LGSN: variants seen among roughly 807,000 people sequenced by gnomAD.
LGSN encodes the protein lengsin, lens protein with glutamine synthetase domain.
LGSN carries 21 observed loss-of-function variants against 19.5 expected under a neutral mutation model. The observed-to-expected ratio is 1.07, with a 90% confidence interval of 0.76 to 1.55. The LOEUF (loss-of-function observed/expected upper bound fraction) is 1.55, where lower values mean the gene tolerates loss of function less well. Among genes scored for constraint, LGSN ranks in the 40% most tolerant of loss-of-function variants. The pLI, the probability that LGSN is intolerant of heterozygous loss-of-function variation, is 0.00. For synonymous variants in LGSN, 257 were observed against 215.6 expected, an observed-to-expected ratio of 1.19 and a Z score of -1.68; for missense variants, 673 against 608.5, an observed-to-expected ratio of 1.11 and a Z score of -1.12.
At chr6:63,359,189 G>A in the LGSN span, among the ~76,000 whole-genome samples, 1 of 152,128 alleles carries the variant, frequency 6.6e-6, no homozygotes, top group Middle Eastern at 3.2e-3. Flanking sequence ...AAGCCCACTT[G>A]ATCATGGTGG....
At chr6:63,437,200 CAGAA>C in the LGSN span, among the ~76,000 whole-genome samples, 2 of 138,630 alleles carry the variant, frequency 1.4e-5, no homozygotes, top group African/African-American at 2.6e-5. Context: ...GGGAGGGAGA[CAGAA>C]AGAGAGGAAA....
chr6:63,323,548 A>G (rs969167974), upstream of LGSN, among the ~76,000 whole-genome samples: 1 of 139,666 alleles, frequency 7.2e-6, no homozygotes, highest in Admixed American at 7.8e-5. Context: ...TGAGAGCACC[A>G]AAACCTCATA....
At chr6:63,436,006 T>A in the LGSN span, among the ~76,000 whole-genome samples, 1 of 152,018 alleles carries the variant, frequency 6.6e-6, no homozygotes, top group Non-Finnish European at 1.5e-5. Flanking sequence ...CATACTGCTC[T>A]TTTTTGTGTT....
At chr6:63,366,851 ATTT>A in the LGSN span, among the ~76,000 whole-genome samples, 110 of 151,242 alleles carry the variant, frequency 7.3e-4, 1 homozygote, top group Admixed American at 4.8e-3. Flanking sequence ...AGGATTCCCT[ATTT>A]AATAAATGGT....
At chr6:63,291,509 ACTC>A (rs1334540406) in intron 2 of LGSN, among the ~76,000 whole-genome samples, 3 of 151,502 alleles carry the variant, frequency 2.0e-5, no homozygotes, top group Non-Finnish European at 4.4e-5. Flanking sequence ...CCCCAGCTGA[ACTC>A]CTCCCCACCT....
chr6:63,367,850 T>C, the LGSN span, among the ~76,000 whole-genome samples: 1 of 150,642 alleles, frequency 6.6e-6, no homozygotes, highest in Admixed American at 6.6e-5. Flanking sequence ...GACAGAAAAC[T>C]AAACACTGCA....
the LGSN span, among the ~76,000 whole-genome samples, chr6:63,529,766 G>T: frequency 6.6e-6 from 1 of 152,096 alleles, no homozygotes; most frequent in African/African-American, 2.4e-5. Context: ...ATGAGGTTCC[G>T]TTTTTCTGAG....
chr6:63,493,975 A>T, the LGSN span, among the ~76,000 whole-genome samples: 3 of 146,520 alleles, frequency 2.0e-5, no homozygotes, highest in African/African-American at 5.1e-5. Context: ...TTTGAGACGG[A>T]GTCTTGCTCT....
chr6:63,548,588 A>G, the LGSN span: 1 of 301,166 alleles, frequency 3.3e-6, no homozygotes, highest in Admixed American at 4.4e-5. Context: ...ACCAGGGTAC[A>G]TGGTAGAAAT....
the LGSN span, among the ~76,000 whole-genome samples, chr6:63,416,235 G>A: frequency 1.3e-5 from 2 of 150,976 alleles, no homozygotes; most frequent in Non-Finnish European, 2.9e-5. Context: ...ATGCTCCTAA[G>A]ACAAAGAATC....
At chr6:63,541,325 C>T in the LGSN span, among the ~76,000 whole-genome samples, 36 of 152,034 alleles carry the variant, frequency 2.4e-4, 1 homozygote, top group South Asian at 6.2e-3. Flanking sequence ...GAGGTCAAGG[C>T]GGGTGGATCA....
At chr6:63,305,007 G>A (rs1768324199) in intron 1 of LGSN, among the ~76,000 whole-genome samples, 1 of 152,122 alleles carries the variant, frequency 6.6e-6, no homozygotes, top group South Asian at 2.1e-4. Flanking sequence ...ACAAAATTAT[G>A]GAAGACCATT....
the LGSN span, among the ~76,000 whole-genome samples, chr6:63,412,223 C>T: frequency 2.2e-3 from 338 of 151,516 alleles, 11 homozygotes; most frequent in East Asian, 0.061. Flanking sequence ...AAAAATGAGC[C>T]GGACATGGTG....
the LGSN span, among the ~76,000 whole-genome samples, chr6:63,537,527 C>G: frequency 1.3e-5 from 2 of 152,186 alleles, no homozygotes; most frequent in Admixed American, 1.3e-4. Flanking sequence ...TTAGAGCGTA[C>G]CTTTTCACCC....
At chr6:63,426,750 A>G in the LGSN span, among the ~76,000 whole-genome samples, 2 of 151,870 alleles carry the variant, frequency 1.3e-5, no homozygotes, top group Admixed American at 1.3e-4. Flanking sequence ...CTTAGCCTCA[A>G]GTAATCAACC....
At chr6:63,529,149 G>GTA in the LGSN span, among the ~76,000 whole-genome samples, 7 of 108,782 alleles carry the variant, frequency 6.4e-5, no homozygotes, top group South Asian at 1.8e-3. Flanking sequence ...ATATATATAT[G>GTA]TATATATATG....
chr6:63,451,603 G>A, the LGSN span, among the ~76,000 whole-genome samples: 3 of 152,104 alleles, frequency 2.0e-5, no homozygotes, highest in African/African-American at 7.2e-5. Flanking sequence ...ATTAGAGGGT[G>A]GAGGGTAGGA....
intron 1 of LGSN, among the ~76,000 whole-genome samples, chr6:63,313,809 C>G (rs1768727605): frequency 6.6e-6 from 1 of 151,892 alleles, no homozygotes; most frequent in South Asian, 2.1e-4. Context: ...GCACTCCAAC[C>G]TGGGCAACAG....
At chr6:63,380,210 T>G in the LGSN span, among the ~76,000 whole-genome samples, 5 of 152,230 alleles carry the variant, frequency 3.3e-5, no homozygotes, top group Non-Finnish European at 7.3e-5. Flanking sequence ...TTGCATTATT[T>G]AAATGTGTCT....
Sources: allele counts gnomAD v4.1 joint callset (sites outside exome capture counted in the v4.1 genomes callset), GRCh38; gene constraint gnomAD v4.1.1; transcripts MANE v1.5; gene names NCBI Gene and HGNC (gene_info 2026-07-23, HGNC 2026-07-21).